RASGRP3: variants seen among roughly 807,000 people sequenced by gnomAD.
The protein encoded by RASGRP3 is RAS guanyl releasing protein 3.
A neutral mutation model predicts 82.7 loss-of-function variants in RASGRP3; 54 were observed. That is an observed-to-expected ratio of 0.65 (90% CI 0.52 to 0.82). RASGRP3 has a LOEUF of 0.82. RASGRP3 is among the 40% of genes least tolerant of loss of function. RASGRP3 has a pLI of 0.00. For missense variants in RASGRP3, 861 were observed against 828.9 expected (o/e 1.04, Z -0.48); for synonymous variants, 309 against 300.5 (o/e 1.03, Z -0.29).
intron 1 of RASGRP3, among the ~76,000 whole-genome samples, chr2:33,491,076 G>A (rs1668801213): frequency 6.6e-6 from 1 of 152,212 alleles, no homozygotes; most frequent in African/African-American, 2.4e-5. Flanking sequence ...AGCACTTTGG[G>A]AGGCCGAGGC....
intron 1 of RASGRP3, chr2:33,482,971 A>G (rs1027504934): frequency 3.9e-5 from 6 of 152,100 alleles, no homozygotes; most frequent in Non-Finnish European, 8.8e-5. Flanking sequence ...ATTTTTCTTT[A>G]GTGATTACTG....
chr2:33,482,765 C>T (rs576561592), intron 1 of RASGRP3: 17 of 152,236 alleles, frequency 1.1e-4, no homozygotes, highest in African/African-American at 3.9e-4. Flanking sequence ...TGCATGTTGC[C>T]TGATGATTTT....
At position 33,521,887 on chromosome 2, in the gene RASGRP3, A is replaced by T. The variant is rs561813828; in HGVS notation, c.369-68A>T. The T allele has an allele frequency of 1.7e-5, 26 of 1,528,880 alleles. No homozygotes were observed. The African/African-American group carries it at 3.6e-4, about 21-fold the overall frequency. The allele number at this position is 1,528,880 out of a possible 1,614,324, so 94.7% of individuals were successfully genotyped here. On this transcript the variant is annotated intron_variant, in intron 6 of 17. Coordinates refer to ENST00000403687, the MANE Select transcript of RASGRP3 (RefSeq NM_001139488.2). Reference sequence around the variant, plus strand: ...GCAAGCCAAGAGTTGCAGAGTCAGTAGGTTAATAACTTCCATTGAGTGAAA... The same window carrying T: ...GCAAGCCAAGAGTTGCAGAGTCAGTTGGTTAATAACTTCCATTGAGTGAAA...
chr2:33,437,225 C>T (rs1229592485), intron 1 of RASGRP3, among the ~76,000 whole-genome samples: 1 of 152,018 alleles, frequency 6.6e-6, no homozygotes. Flanking sequence ...TCCAAACATT[C>T]GTTCATTATG....
Position 33,540,552 on chromosome 2 carries a change from TGTTTTGTG to T in RASGRP3, c.1278+1343_1278+1350del, listed in dbSNP as rs1457682081. On this transcript the variant is annotated intron_variant, in intron 12 of 17. Coordinates refer to ENST00000403687, the MANE Select transcript of RASGRP3 (RefSeq NM_001139488.2). ...CTCTCTCTCTCTCTCTCTGTGTGTGTGTTTTGTGTGTGTGTGTGTGTGTGTGTGTGTGT... is the reference window on the plus strand; with the variant it reads ...CTCTCTCTCTCTCTCTCTGTGTGTGTTGTGTGTGTGTGTGTGTGTGTGTGT... 8.2e-4 allele frequency among the ~76,000 whole-genome samples: 25 copies of T among 30,346 alleles called. 1 individual carries two copies. Among genetic ancestry groups the T allele is most frequent in the African/African-American group, 4.0e-3 (24 of 6,012 alleles). The allele number at this position is 30,346 out of a possible 152,430, so 19.9% of individuals were successfully genotyped here.
At chr2:33,462,384 CTT>C (rs375192496) in intron 2 of RASGRP3, among the ~76,000 whole-genome samples, 1 of 138,932 alleles carries the variant, frequency 7.2e-6, no homozygotes, top group Non-Finnish European at 1.5e-5. Flanking sequence ...TTTTGTTTTT[CTT>C]TTTTTTTTTT....
At chr2:33,451,417 A>G (rs574024435) in intron 2 of RASGRP3, among the ~76,000 whole-genome samples, 23 of 152,240 alleles carry the variant, frequency 1.5e-4, no homozygotes, top group Middle Eastern at 6.8e-3. Context: ...GTCTGATGCA[A>G]TCTCAACTCT....
At chr2:33,540,613 A>T (rs1225151459) in intron 12 of RASGRP3, among the ~76,000 whole-genome samples, 22 of 57,480 alleles carry the variant, frequency 3.8e-4, no homozygotes, top group Admixed American at 7.3e-4. Flanking sequence ...TGTCTGGGGA[A>T]TTTCTCTCTC....
At chr2:33,490,457 C>G (rs1186443053) in intron 1 of RASGRP3, among the ~76,000 whole-genome samples, 1 of 152,204 alleles carries the variant, frequency 6.6e-6, no homozygotes, top group African/African-American at 2.4e-5. Context: ...AAAAGCAGAT[C>G]ATTTCTCTTT....
At chr2:33,436,987 T>C (rs1177846274) in intron 1 of RASGRP3, among the ~76,000 whole-genome samples, 1 of 152,140 alleles carries the variant, frequency 6.6e-6, no homozygotes, top group Non-Finnish European at 1.5e-5. Flanking sequence ...TAGAATACTT[T>C]TAATAAATAG....
At chr2:33,544,603 C>T (rs776375528) in intron 13 of RASGRP3, among the ~76,000 whole-genome samples, 6 of 151,712 alleles carry the variant, frequency 4.0e-5, no homozygotes, top group Non-Finnish European at 7.4e-5. Context: ...ATTTAAAAAT[C>T]ACCTGTAAGG....
chr2:33,449,330 G>A (rs1462494732), intron 2 of RASGRP3, among the ~76,000 whole-genome samples: 6 of 152,170 alleles, frequency 3.9e-5, no homozygotes, highest in Admixed American at 3.3e-4. Context: ...CATTGCAATT[G>A]AGACATTACT....
At chr2:33,478,917 A>G (rs930754058) in intron 1 of RASGRP3, among the ~76,000 whole-genome samples, 7 of 152,172 alleles carry the variant, frequency 4.6e-5, no homozygotes, top group African/African-American at 1.4e-4. Flanking sequence ...TATGTGTTAC[A>G]TATTATTATT....
intron 1 of RASGRP3, among the ~76,000 whole-genome samples, chr2:33,445,695 A>G (rs540726936): frequency 1.3e-5 from 2 of 151,814 alleles, no homozygotes; most frequent in Non-Finnish European, 2.9e-5. Flanking sequence ...CTATTTCTAC[A>G]TTAATACATT....
chr2:33,450,062 T>C (rs1665705790), intron 2 of RASGRP3, among the ~76,000 whole-genome samples: 5 of 152,190 alleles, frequency 3.3e-5, no homozygotes, highest in Admixed American at 3.3e-4. Context: ...CAATAGGGAC[T>C]AGAGATTTAC....
At chr2:33,489,393 A>G (rs1319889704) in intron 1 of RASGRP3, among the ~76,000 whole-genome samples, 1 of 152,176 alleles carries the variant, frequency 6.6e-6, no homozygotes, top group African/African-American at 2.4e-5. Context: ...ATGAGATGTC[A>G]AATGGCCAGT....
At position 33,450,737 on chromosome 2, in the gene RASGRP3, G is replaced by T. The variant is rs1269376555; in HGVS notation, c.-261+2794G>T. 2.0e-5 allele frequency among the ~76,000 whole-genome samples: 3 copies of T among 150,104 alleles called. No individual in the cohort carries two copies. The East Asian group carries it at 5.9e-4, about 30-fold the overall frequency. ...TTCATTTTCTTTGGATAAATACTCA[G>T]AAGTGGGATTGCTGAAGTATATGAT... On this transcript the variant is annotated intron_variant, in intron 2 of 18. Transcript: ENST00000402538.
chr2:33,543,660 C>G (rs756263848), intron 13 of RASGRP3, 33 bp downstream of exon 13: 1 of 1,410,106 alleles, frequency 7.1e-7, no homozygotes, highest in Admixed American at 1.9e-5. Flanking sequence ...TTTAATGCAA[C>G]TATCCTAAAG....
At chr2:33,525,699 C>CAAAAAAAAAA (rs1167570668) in intron 9 of RASGRP3, among the ~76,000 whole-genome samples, 4 of 54,408 alleles carry the variant, frequency 7.4e-5, no homozygotes, top group African/African-American at 1.8e-4. Flanking sequence ...CCTGTCTCTA[C>CAAAAAAAAAA]AAAAAAAAAA....
Sources: gnomAD v4.1 joint callset for allele counts (sites outside exome capture counted in the v4.1 genomes callset) on GRCh38, gnomAD v4.1.1 for gene constraint, MANE v1.5 for transcripts, NCBI Gene and HGNC (gene_info 2026-07-23, HGNC 2026-07-21) for gene names.